The following RNF111 variants were observed in gnomAD, a reference collection of about 807,000 sequenced individuals.
RNF111 encodes the protein E3 ubiquitin-protein ligase Arkadia.
A neutral mutation model predicts 95.1 loss-of-function variants in RNF111; 17 were observed. The observed-to-expected ratio is 0.18, with a 90% CI of 0.12 to 0.27. The LOEUF is 0.27. RNF111 is among the 10% of genes least tolerant of loss of function. The pLI is 1.00. For missense variants in RNF111, 1,189 were observed against 1,210.4 expected, an observed-to-expected ratio of 0.98 and a Z score of 0.26; for synonymous variants, 440 against 414.8, an observed-to-expected ratio of 1.06 and a Z score of -0.74.
intron 1 of RNF111, among the ~76,000 whole-genome samples, chr15:58,995,342 C>A (rs765622499): frequency 3.3e-5 from 5 of 152,124 alleles, no homozygotes; most frequent in Non-Finnish European, 5.9e-5. Flanking sequence ...TTGTGTGTTT[C>A]CTGTTTTATT....
intron 2 of RNF111, among the ~76,000 whole-genome samples, chr15:59,047,677 G>A (rs2041777384): frequency 1.3e-5 from 2 of 152,130 alleles, no homozygotes; most frequent in African/African-American, 4.8e-5. Context: ...CCAGGCTCAA[G>A]CTGTCTTCCT....
At chr15:59,017,199 G>A (rs2040110134) in intron 1 of RNF111, among the ~76,000 whole-genome samples, 1 of 151,578 alleles carries the variant, frequency 6.6e-6, no homozygotes, top group African/African-American at 2.4e-5. Flanking sequence ...CCGTTCCCTG[G>A]TGCCAAAAAG....
At chr15:59,074,300 A>G (rs2043069817) in intron 6 of RNF111, among the ~76,000 whole-genome samples, 1 of 152,312 alleles carries the variant, frequency 6.6e-6, no homozygotes, top group Admixed American at 6.5e-5. Context: ...GAAGCCAGCC[A>G]TTGACTTCTC....
At chr15:59,028,017 G>A (rs184894410) in intron 1 of RNF111, among the ~76,000 whole-genome samples, 1 of 150,738 alleles carries the variant, frequency 6.6e-6, no homozygotes, top group African/African-American at 2.4e-5. Flanking sequence ...AGTAGAGATG[G>A]GGTTTCACCA....
intron 6 of RNF111, among the ~76,000 whole-genome samples, chr15:59,067,586 A>G (rs2042723211): frequency 6.6e-6 from 1 of 152,228 alleles, no homozygotes; most frequent in Non-Finnish European, 1.5e-5. Context: ...TGGGATTTTT[A>G]GATGGACTAA....
chr15:58,998,335 A>G (rs898923041), intron 1 of RNF111, among the ~76,000 whole-genome samples: 21 of 151,030 alleles, frequency 1.4e-4, no homozygotes, highest in Non-Finnish European at 2.1e-4. Context: ...TGTACAGATT[A>G]TTTCACCACC....
At chr15:59,049,745 C>CTTTTTTTTTTTTT (rs368049097) in intron 2 of RNF111, 4 of 104,622 alleles carry the variant, frequency 3.8e-5, no homozygotes, top group South Asian at 3.0e-4. Flanking sequence ...TTCTTTCTTT[C>CTTTTTTTTTTTTT]TTTTTTTTTT....
chr15:59,036,119 C>G (rs1416576030), intron 2 of RNF111, among the ~76,000 whole-genome samples: 3 of 152,068 alleles, frequency 2.0e-5, no homozygotes, highest in Non-Finnish European at 4.4e-5. Context: ...GTGGCCCAGG[C>G]TGCTGGAGTG....
Position 59,096,380 on chromosome 15 carries a change from C to T in RNF111, c.*1480C>T, listed in dbSNP as rs2079177188. On this transcript the variant is annotated 3_prime_UTR_variant, in exon 14 of 14. Transcript: ENST00000348370. ...AAGATGTCAATAAGCTTGCATTAAG[C>T]CACCTGCTTTGTAAGTGGATTGATT... The T allele has an allele frequency of 3.5e-6, 1 of 289,574 alleles. No homozygotes were observed. Among genetic ancestry groups the T allele is most frequent in the Non-Finnish European group, 6.3e-6 (1 of 158,328 alleles). The allele number at this position is 289,574 out of a possible 1,614,324, so 17.9% of individuals were successfully genotyped here.
intron 1 of RNF111, among the ~76,000 whole-genome samples, chr15:59,004,697 C>T (rs1284304550): frequency 6.6e-6 from 1 of 152,064 alleles, no homozygotes; most frequent in Non-Finnish European, 1.5e-5. Context: ...TCAAAGATAA[C>T]CTTGGAAATC....
At chr15:59,022,207 C>T (rs1321375819) in intron 1 of RNF111, among the ~76,000 whole-genome samples, 1 of 152,068 alleles carries the variant, frequency 6.6e-6, no homozygotes, top group Non-Finnish European at 1.5e-5. Context: ...ACTAATTAAC[C>T]TTGAAATTTT....
At chr15:58,991,002 ATACT>A (rs774600775) in intron 1 of RNF111, among the ~76,000 whole-genome samples, 99 of 152,232 alleles carry the variant, frequency 6.5e-4, no homozygotes, top group Non-Finnish European at 1.1e-3. Flanking sequence ...TTAAAGACAA[ATACT>A]TAGCTGAGGC....
intron 11 of RNF111, among the ~76,000 whole-genome samples, chr15:59,090,376 C>T (rs946470920): frequency 1.5e-4 from 23 of 152,102 alleles, no homozygotes; most frequent in African/African-American, 4.1e-4. Flanking sequence ...ATTACAGGTG[C>T]CCGCCACCAC....
At chr15:59,064,652 C>T (rs1329798242) in intron 5 of RNF111, among the ~76,000 whole-genome samples, 2 of 151,486 alleles carry the variant, frequency 1.3e-5, no homozygotes, top group East Asian at 1.9e-4. Context: ...ATTTTTCTTC[C>T]GTCCAAGTTC....
At chr15:59,040,508 A>C (rs1362767408) in intron 2 of RNF111, among the ~76,000 whole-genome samples, 3 of 152,168 alleles carry the variant, frequency 2.0e-5, no homozygotes, top group Non-Finnish European at 4.4e-5. Flanking sequence ...ATTTAAGTGA[A>C]TATTTCCACT....
intron 3 of RNF111, among the ~76,000 whole-genome samples, chr15:59,054,663 T>A (rs750797999): frequency 1.3e-5 from 2 of 152,158 alleles, no homozygotes; most frequent in Non-Finnish European, 2.9e-5. Context: ...ATTTTAGAAT[T>A]TGAACTTTTT....
intron 1 of RNF111, among the ~76,000 whole-genome samples, chr15:58,997,096 T>C (rs546879441): frequency 6.6e-6 from 1 of 152,334 alleles, no homozygotes; most frequent in South Asian, 2.1e-4. Flanking sequence ...AGTTAATTTT[T>C]TCAGAGAAAA....
chr15:59,052,380 T>G lies in RNF111; in HGVS notation c.956T>G (p.Val319Gly). The G allele has an allele frequency of 6.2e-7, 1 of 1,604,674 alleles. No homozygotes were observed. Among genetic ancestry groups the G allele is most frequent in the Non-Finnish European group, 8.5e-7 (1 of 1,175,990 alleles). ...GTTACTGCCAATGAAGAAATTAATGTTACCTCAACTGACAGTGAAGTGGAG... is the reference window on the plus strand; with the variant it reads ...GTTACTGCCAATGAAGAAATTAATGGTACCTCAACTGACAGTGAAGTGGAG... ...PQVTANEEIN[V>G]TSTDSEVEIV... is the part of the protein sequence containing the mutation. Residue 319 changes from valine to glycine, a missense_variant, in exon 3 of 14, where the codon GTT becomes GGT. Physicochemically the swap from Val to Gly is moderately radical, Grantham distance 109. This residue lies in a region of RNF111 where 1,024 missense variants were observed against 925.9 expected (regional missense o/e 1.11). Coordinates refer to ENST00000348370, the MANE Select transcript of RNF111 (RefSeq NM_017610.8).
intron 6 of RNF111, among the ~76,000 whole-genome samples, chr15:59,070,082 T>C (rs1479245673): frequency 7.4e-6 from 1 of 135,910 alleles, no homozygotes; most frequent in East Asian, 2.5e-4. Context: ...GCCTTGTTTC[T>C]CAGGCTGGCC....
Sources: gnomAD v4.1 joint callset for allele counts (sites outside exome capture counted in the v4.1 genomes callset) on GRCh38, gnomAD v4.1.1 for gene constraint, gnomAD v4.1.1 regional missense constraint, MANE v1.5 for transcripts, NCBI Gene and HGNC (gene_info 2026-07-23, HGNC 2026-07-21) for gene names.